The following NTM variants were observed in gnomAD, a reference collection of about 807,000 sequenced individuals.
NTM encodes the protein neurotrimin.
In NTM, 13 loss-of-function variants were observed where a neutral mutation model predicts 42.1. The ratio of observed to expected loss-of-function variants is 0.31; its 90% CI spans 0.20 to 0.49. The LOEUF is 0.49. Ranked by LOEUF, NTM falls within the 20% of genes least tolerant of loss-of-function variation. The pLI is 0.99. For synonymous variants in NTM, 187 were observed against 179.2 expected, an observed-to-expected ratio of 1.04 and a Z score of -0.35; for missense variants, 373 against 452.8, an observed-to-expected ratio of 0.82 and a Z score of 1.60.
At chr11:132,188,446 C>T (rs926843206) in intron 3 of NTM, among the ~76,000 whole-genome samples, 9 of 152,160 alleles carry the variant, frequency 5.9e-5, no homozygotes, top group Non-Finnish European at 8.8e-5. Flanking sequence ...TCCTCCCAGA[C>T]TCCAGGGCAC....
chr11:132,036,729 A>G (rs1416402139), intron 2 of NTM, among the ~76,000 whole-genome samples: 2 of 152,084 alleles, frequency 1.3e-5, no homozygotes, highest in African/African-American at 4.8e-5. Flanking sequence ...ATTCCCTCAT[A>G]TTTGCTTGAA....
chr11:131,527,742 C>T (rs1344970600), intron 1 of NTM, among the ~76,000 whole-genome samples: 2 of 152,164 alleles, frequency 1.3e-5, no homozygotes, highest in African/African-American at 2.4e-5. Context: ...ATACACGGGA[C>T]TTTTAACTAG....
chr11:132,200,364 A>G (rs10894520), intron 3 of NTM, among the ~76,000 whole-genome samples: 19,658 of 152,158 alleles, frequency 0.13, 2,505 homozygotes, highest in African/African-American at 0.33. Context: ...GGACTGTAGC[A>G]CTAGAGAGAG....
intron 1 of NTM, among the ~76,000 whole-genome samples, chr11:131,422,677 C>T (rs547124633): frequency 1.4e-3 from 220 of 152,268 alleles, no homozygotes; most frequent in African/African-American, 5.2e-3. Flanking sequence ...GCACTTTTCC[C>T]TCTCCCGCCC....
chr11:132,181,955 TTTATTATTATTATTA>T (rs56263428), intron 3 of NTM, among the ~76,000 whole-genome samples: 10 of 141,018 alleles, frequency 7.1e-5, no homozygotes, highest in East Asian at 2.1e-4. Flanking sequence ...CACTATCTAG[TTTATTATTATTATTA>T]TTATTATTAT....
intron 2 of NTM, among the ~76,000 whole-genome samples, chr11:131,961,711 A>G (rs2062194317): frequency 6.6e-6 from 1 of 152,186 alleles, no homozygotes. Flanking sequence ...GTGAGGCAGC[A>G]TCAATAGCCC....
At chr11:131,396,285 T>G (rs1020205332) in intron 1 of NTM, among the ~76,000 whole-genome samples, 2 of 152,140 alleles carry the variant, frequency 1.3e-5, no homozygotes. Flanking sequence ...TATAAAATAT[T>G]AACTGGCATT....
intron 1 of NTM, among the ~76,000 whole-genome samples, chr11:131,425,337 G>A (rs910837981): frequency 2.0e-5 from 3 of 152,064 alleles, no homozygotes; most frequent in African/African-American, 4.8e-5. Flanking sequence ...TTCCTGCCGC[G>A]AGTTACAAAC....
At chr11:131,674,507 T>A (rs2071013351) in intron 1 of NTM, among the ~76,000 whole-genome samples, 1 of 152,204 alleles carries the variant, frequency 6.6e-6, no homozygotes. Context: ...GCCTTGAGGA[T>A]GCTGAAACAC....
chr11:131,494,789 T>G (rs1340197575), intron 1 of NTM, among the ~76,000 whole-genome samples: 2 of 152,246 alleles, frequency 1.3e-5, no homozygotes, highest in Admixed American at 6.5e-5. Flanking sequence ...TCCCGTCCAC[T>G]GTGAACATTC....
chr11:131,393,411 G>A lies in NTM; in HGVS notation c.82+22523G>A, dbSNP rs537532344. ...GAAGTGATGGAGGAATGGACAGATG[G>A]CAGGTAAGGGGAGGAGGGTCCCACC... On this transcript the variant is annotated intron_variant, in intron 1 of 8. Transcript: ENST00000683400. Among the ~76,000 whole-genome samples, 141 of 152,350 alleles carry A rather than the reference G, an allele frequency of 9.3e-4. 2 individuals are homozygous for A. Among genetic ancestry groups the A allele is most frequent in the Non-Finnish European group, 5.9e-4 (40 of 68,030 alleles).
intron 2 of NTM, among the ~76,000 whole-genome samples, chr11:132,088,032 T>C (rs1184105455): frequency 6.6e-6 from 1 of 152,154 alleles, no homozygotes; most frequent in Non-Finnish European, 1.5e-5. Context: ...GACACAGCCA[T>C]GCACCCCAGC....
At chr11:131,949,738 T>C (rs997483624) in intron 2 of NTM, among the ~76,000 whole-genome samples, 3 of 152,180 alleles carry the variant, frequency 2.0e-5, no homozygotes, top group Non-Finnish European at 2.9e-5. Context: ...TTTATTTGAA[T>C]GTCCCGGCCC....
At chr11:131,641,849 C>A (rs1182008080) in intron 1 of NTM, among the ~76,000 whole-genome samples, 5 of 151,948 alleles carry the variant, frequency 3.3e-5, no homozygotes, top group Non-Finnish European at 7.4e-5. Context: ...GCTTCAGCCT[C>A]CCCAGTAGCT....
chr11:131,777,138 T>C (rs1423239913), intron 1 of NTM: 2 of 802,298 alleles, frequency 2.5e-6, no homozygotes, highest in Admixed American at 6.2e-5. Flanking sequence ...TTATATATAT[T>C]GCATATAACA....
At chr11:132,105,675 T>C (rs1241268625) in intron 2 of NTM, among the ~76,000 whole-genome samples, 2 of 152,156 alleles carry the variant, frequency 1.3e-5, no homozygotes, top group Non-Finnish European at 2.9e-5. Context: ...TTGTCCTTAA[T>C]TGTCATGAGT....
At chr11:131,482,176 T>TTA (rs1953676289) in intron 1 of NTM, among the ~76,000 whole-genome samples, 2 of 152,202 alleles carry the variant, frequency 1.3e-5, no homozygotes, top group Admixed American at 6.5e-5. Flanking sequence ...GAGCTACCTT[T>TTA]TATATTCTGT....
intron 1 of NTM, chr11:131,660,247 G>T (rs1364710514): frequency 2.9e-6 from 1 of 341,756 alleles, no homozygotes; most frequent in Non-Finnish European, 5.9e-6. Context: ...ACCCATTCAG[G>T]TGGTTGTTGG....
chr11:132,033,415 T>C (rs1047482675), intron 2 of NTM, among the ~76,000 whole-genome samples: 1 of 152,232 alleles, frequency 6.6e-6, no homozygotes, highest in Non-Finnish European at 1.5e-5. Flanking sequence ...CTATTGAAGA[T>C]AAATTCCAAT....
Sources: allele counts gnomAD v4.1 joint callset (sites outside exome capture counted in the v4.1 genomes callset), GRCh38; gene constraint gnomAD v4.1.1; transcripts MANE v1.5; gene names NCBI Gene and HGNC (gene_info 2026-07-23, HGNC 2026-07-21).